Variants in NDUFAF2 observed in about 807,000 individuals in gnomAD.
NDUFAF2 encodes NADH dehydrogenase [ubiquinone] 1 alpha subcomplex assembly factor 2.
Under a neutral mutation model 22.8 loss-of-function variants are expected in NDUFAF2, and 13 were observed. That is an observed-to-expected ratio of 0.57 (90% confidence interval 0.37 to 0.91). NDUFAF2 has a LOEUF of 0.91. Ranked by LOEUF, NDUFAF2 falls within the 40% of genes least tolerant of loss-of-function variation. NDUFAF2 has a pLI of 0.01. For synonymous variants in NDUFAF2, 53 were observed against 64.2 expected (o/e 0.83, Z 0.84); for missense variants, 162 against 195.2 (o/e 0.83, Z 1.01).
chr5:61,023,767 G>A (rs1379634088), intron 1 of NDUFAF2, among the ~76,000 whole-genome samples: 1 of 151,986 alleles, frequency 6.6e-6, no homozygotes, highest in Non-Finnish European at 1.5e-5. Context: ...GAGTTCATGG[G>A]CCACGTTTTT....
At chr5:61,038,670 T>G (rs1423247584) in intron 1 of NDUFAF2, among the ~76,000 whole-genome samples, 4 of 152,198 alleles carry the variant, frequency 2.6e-5, no homozygotes, top group Non-Finnish European at 5.9e-5. Flanking sequence ...ATGTTTGATT[T>G]GAGCCACATA....
chr5:60,972,374 G>A (rs1001929901), intron 1 of NDUFAF2, among the ~76,000 whole-genome samples: 2 of 151,982 alleles, frequency 1.3e-5, no homozygotes. Context: ...GTTGAATCAC[G>A]GGGGTGGTTT....
intron 1 of NDUFAF2, among the ~76,000 whole-genome samples, chr5:60,950,120 A>T (rs1172106927): frequency 6.6e-6 from 1 of 152,124 alleles, no homozygotes; most frequent in African/African-American, 2.4e-5. Context: ...TATAATGTTG[A>T]ATAAGAGTGG....
intron 1 of NDUFAF2, among the ~76,000 whole-genome samples, chr5:60,992,767 T>C (rs1457721597): frequency 6.6e-6 from 1 of 152,182 alleles, no homozygotes; most frequent in Non-Finnish European, 1.5e-5. Flanking sequence ...TTCTTCTTCA[T>C]GTTTGAAGGA....
At chr5:61,062,103 CTG>C (rs2111715822) in intron 1 of NDUFAF2, among the ~76,000 whole-genome samples, 1 of 152,248 alleles carries the variant, frequency 6.6e-6, no homozygotes, top group South Asian at 2.1e-4. Context: ...GAAGAGGTGA[CTG>C]TACCAGCAGA....
chr5:61,106,234 T>C (rs1436658939), intron 3 of NDUFAF2, among the ~76,000 whole-genome samples: 2 of 151,362 alleles, frequency 1.3e-5, no homozygotes, highest in Non-Finnish European at 2.9e-5. Flanking sequence ...AGATTACTTA[T>C]CAATTACAAA....
chr5:61,116,966 A>T (rs1752920158), intron 3 of NDUFAF2, among the ~76,000 whole-genome samples: 5 of 152,136 alleles, frequency 3.3e-5, no homozygotes, highest in Admixed American at 3.3e-4. Context: ...TGCGGAAAAA[A>T]CTTGGGAAGG....
intron 3 of NDUFAF2, among the ~76,000 whole-genome samples, chr5:61,117,680 T>TA (rs76823566): frequency 0.38 from 56,970 of 150,828 alleles, 11,887 homozygotes; most frequent in East Asian, 0.77. Context: ...GACTTTTTTT[T>TA]AAAAAAAAAA....
intron 1 of NDUFAF2, among the ~76,000 whole-genome samples, chr5:61,014,296 A>G (rs1751479404): frequency 6.6e-6 from 1 of 152,230 alleles, no homozygotes; most frequent in African/African-American, 2.4e-5. Flanking sequence ...GGTTTTGACA[A>G]TAGCCACAAG....
chr5:61,095,439 C>T (rs539000180), intron 2 of NDUFAF2, among the ~76,000 whole-genome samples: 1 of 152,316 alleles, frequency 6.6e-6, no homozygotes, highest in Non-Finnish European at 1.5e-5. Context: ...AATTCTAAGC[C>T]AGTGGGTCTT....
chr5:61,030,099 T>G (rs1046841494), intron 1 of NDUFAF2, among the ~76,000 whole-genome samples: 7 of 152,106 alleles, frequency 4.6e-5, no homozygotes, highest in African/African-American at 1.7e-4. Context: ...TCAAAGACAT[T>G]CAGTTGTCAC....
intron 1 of NDUFAF2, among the ~76,000 whole-genome samples, chr5:61,035,393 G>C (rs1751785545): frequency 7.5e-6 from 1 of 133,308 alleles, no homozygotes; most frequent in Non-Finnish European, 1.6e-5. Flanking sequence ...GGCTGGCAGA[G>C]AATAAGACAA....
chr5:60,963,723 G>A (rs1750719917), intron 1 of NDUFAF2, among the ~76,000 whole-genome samples: 1 of 152,116 alleles, frequency 6.6e-6, no homozygotes, highest in Non-Finnish European at 1.5e-5. Flanking sequence ...GGAATCAGAT[G>A]GTTTTAAAAA....
At chr5:61,087,137 T>C (rs1752513373) in intron 2 of NDUFAF2, among the ~76,000 whole-genome samples, 1 of 152,064 alleles carries the variant, frequency 6.6e-6, no homozygotes, top group African/African-American at 2.4e-5. Flanking sequence ...AATGATAATA[T>C]TAGTGCCCGT....
chr5:60,948,535 T>A (rs1018603014), intron 1 of NDUFAF2, among the ~76,000 whole-genome samples: 1 of 148,262 alleles, frequency 6.7e-6, no homozygotes, highest in African/African-American at 2.5e-5. Flanking sequence ...AGTGGAAGCA[T>A]ACAGCACATA....
At chr5:60,969,780 TACTC>T (rs1339631418) in intron 1 of NDUFAF2, among the ~76,000 whole-genome samples, 5 of 152,152 alleles carry the variant, frequency 3.3e-5, no homozygotes, top group African/African-American at 1.2e-4. Flanking sequence ...TGTAGGGTAT[TACTC>T]AAGAAATCTT....
At chr5:61,005,002 T>G (rs1751347510) in intron 1 of NDUFAF2, among the ~76,000 whole-genome samples, 1 of 152,150 alleles carries the variant, frequency 6.6e-6, no homozygotes, top group African/African-American at 2.4e-5. Context: ...GTTTGTTACA[T>G]GTGTATACAT....
At chr5:60,968,719 A>C (rs1750789755) in intron 1 of NDUFAF2, among the ~76,000 whole-genome samples, 1 of 151,812 alleles carries the variant, frequency 6.6e-6, no homozygotes, top group South Asian at 2.1e-4. Flanking sequence ...ATTCAATTAC[A>C]CTCTTCTAGT....
chr5:61,054,005 A>T (rs1322547033), intron 1 of NDUFAF2, among the ~76,000 whole-genome samples: 1 of 152,142 alleles, frequency 6.6e-6, no homozygotes, highest in Non-Finnish European at 1.5e-5. Context: ...GATCAAGACC[A>T]GTCTGGGCAA....
Sources: gnomAD v4.1 joint callset for allele counts (sites outside exome capture counted in the v4.1 genomes callset) on GRCh38, gnomAD v4.1.1 for gene constraint, MANE v1.5 for transcripts, NCBI Gene and HGNC (gene_info 2026-07-23, HGNC 2026-07-21) for gene names.